The following CTIF variants were observed in gnomAD, a reference collection of about 807,000 sequenced individuals.
The protein encoded by CTIF is cap binding complex dependent translation initiation factor.
CTIF carries 21 observed loss-of-function variants against 66.0 expected under a neutral mutation model. That is an observed-to-expected ratio of 0.32 (90% confidence interval 0.23 to 0.46). The LOEUF (loss-of-function observed/expected upper bound fraction) is 0.46. Among genes scored for constraint, CTIF ranks in the 20% least tolerant of loss-of-function variants. CTIF has a pLI of 1.00. For missense variants in CTIF, 739 were observed against 812.7 expected (o/e 0.91, Z 1.10); for synonymous variants, 345 against 326.4 (o/e 1.06, Z -0.62).
At chr18:48,790,645 T>C (rs2067772498) in intron 9 of CTIF, among the ~76,000 whole-genome samples, 1 of 152,220 alleles carries the variant, frequency 6.6e-6, no homozygotes, top group South Asian at 2.1e-4. Context: ...GCCAGGTCTC[T>C]CATGGAGGAG....
intron 7 of CTIF, among the ~76,000 whole-genome samples, chr18:48,738,354 G>T (rs796396409): frequency 6.9e-4 from 104 of 150,338 alleles, no homozygotes; most frequent in African/African-American, 2.5e-3. Context: ...CCCTCCAGTG[G>T]TTCCCAATTT....
chr18:48,781,258 C>T (rs780101738), intron 9 of CTIF, among the ~76,000 whole-genome samples: 5 of 152,344 alleles, frequency 3.3e-5, no homozygotes, highest in Middle Eastern at 3.4e-3. Flanking sequence ...AGCCGTGCGC[C>T]GCAGCGGGGG....
chr18:48,783,198 C>G (rs890506475), intron 9 of CTIF, among the ~76,000 whole-genome samples: 9 of 152,152 alleles, frequency 5.9e-5, no homozygotes, highest in African/African-American at 2.2e-4. Flanking sequence ...TCTGGACCAC[C>G]TGGGAGGCCT....
intron 1 of CTIF, among the ~76,000 whole-genome samples, chr18:48,583,790 G>A (rs545847727): frequency 6.6e-6 from 1 of 152,194 alleles, no homozygotes. Flanking sequence ...ATGGACAGAA[G>A]GTATGTCATG....
At chr18:48,853,265 G>A (rs1212457122) in intron 10 of CTIF, among the ~76,000 whole-genome samples, 2 of 152,148 alleles carry the variant, frequency 1.3e-5, no homozygotes, top group Admixed American at 1.3e-4. Context: ...CGCAGAAAAG[G>A]GTGAGCTGGG....
chr18:48,850,026 C>G (rs542929534), intron 10 of CTIF, among the ~76,000 whole-genome samples: 178 of 152,342 alleles, frequency 1.2e-3, no homozygotes, highest in African/African-American at 4.1e-3. Context: ...CCCATCCTCC[C>G]TCTTCCCAGT....
At chr18:48,706,891 C>T (rs2092163265) in intron 6 of CTIF, among the ~76,000 whole-genome samples, 1 of 152,202 alleles carries the variant, frequency 6.6e-6, no homozygotes, top group South Asian at 2.1e-4. Flanking sequence ...CTCTCAGGCC[C>T]ATTTAGTTAC....
Position 48,861,190 on chromosome 18 carries a change from C to G in CTIF, c.*1631C>G, listed in dbSNP as rs1008035001. ...CCCCAGTTCTCTCCAGCTTTCCCTG[C>G]AGCTGCAACCTGCCCTCTGGTCCCA... On this transcript the variant is annotated 3_prime_UTR_variant, in exon 12 of 12. Coordinates refer to ENST00000256413, the MANE Select transcript of CTIF (RefSeq NM_014772.3). 2.0e-5 allele frequency: 3 copies of G among 152,304 alleles called. No individual in the cohort carries two copies. Among genetic ancestry groups the G allele is most frequent in the Non-Finnish European group, 4.4e-5 (3 of 68,134 alleles). 9.4% of individuals were successfully genotyped at this position (152,304 alleles called of 1,614,324 possible).
rs151321225 is a variant in CTIF at position 48,815,200 on chromosome 18, G to A, written c.1372-2021G>A. On this transcript the variant is annotated intron_variant, in intron 9 of 11. Transcript: ENST00000256413. The stretch of plus-strand genomic sequence containing the variant: ...TTTTACTGCCTATATGTATCCCATT[G>A]CATCATGTTGTATACCTTAAATATA... Among the ~76,000 whole-genome samples, 8 of 152,312 alleles carry A rather than the reference G, an allele frequency of 5.3e-5. No homozygotes were observed. The East Asian group carries it at 1.3e-3, about 26-fold the overall frequency.
intron 1 of CTIF, among the ~76,000 whole-genome samples, chr18:48,583,310 C>T (rs1026233292): frequency 5.3e-5 from 8 of 152,276 alleles, no homozygotes; most frequent in South Asian, 2.1e-4. Context: ...ATTCACAGTT[C>T]GTGAAATTAG....
intron 3 of CTIF, among the ~76,000 whole-genome samples, chr18:48,659,497 T>C (rs1288977058): frequency 6.6e-6 from 1 of 152,204 alleles, no homozygotes; most frequent in East Asian, 1.9e-4. Flanking sequence ...TTCCTGGAGC[T>C]GCACCCCCAG....
intron 7 of CTIF, among the ~76,000 whole-genome samples, chr18:48,735,632 A>C (rs1030563250): frequency 2.6e-5 from 4 of 152,188 alleles, no homozygotes; most frequent in African/African-American, 9.7e-5. Flanking sequence ...TGTATCTCCA[A>C]GTGTCCAGTG....
intron 7 of CTIF, among the ~76,000 whole-genome samples, chr18:48,724,985 G>A (rs2092373617): frequency 6.6e-6 from 1 of 152,244 alleles, no homozygotes; most frequent in Admixed American, 6.5e-5. Context: ...TTACTTGTCA[G>A]GACTGACATT....
chr18:48,799,890 T>A (rs967865587), intron 9 of CTIF, among the ~76,000 whole-genome samples: 2 of 152,194 alleles, frequency 1.3e-5, no homozygotes, highest in African/African-American at 4.8e-5. Context: ...GGAGAGGCAA[T>A]CACTGAACGC....
intron 10 of CTIF, among the ~76,000 whole-genome samples, chr18:48,824,243 G>GA (rs896686331): frequency 6.6e-6 from 1 of 152,046 alleles, no homozygotes; most frequent in African/African-American, 2.4e-5. Flanking sequence ...CAAACAAATG[G>GA]AAAAACATCC....
intron 2 of CTIF, among the ~76,000 whole-genome samples, chr18:48,635,082 G>GAC (rs76129752): frequency 4.4e-3 from 676 of 152,160 alleles, no homozygotes; most frequent in Non-Finnish European, 8.1e-3. Flanking sequence ...TTTTGTTTCA[G>GAC]TTGGATAGTG....
chr18:48,743,825 A>G (rs1307265930), intron 7 of CTIF, among the ~76,000 whole-genome samples: 1 of 152,156 alleles, frequency 6.6e-6, no homozygotes, highest in Non-Finnish European at 1.5e-5. Context: ...AGAAACTATT[A>G]TGGTGAGAGG....
chr18:48,737,747 G>A (rs1017118486), intron 7 of CTIF, among the ~76,000 whole-genome samples: 2 of 152,168 alleles, frequency 1.3e-5, no homozygotes, highest in Non-Finnish European at 2.9e-5. Flanking sequence ...CATAAAACCA[G>A]TAAAGTGGTT....
At chr18:48,566,930 A>G (rs981383559) in intron 1 of CTIF, 9 of 152,238 alleles carry the variant, frequency 5.9e-5, no homozygotes, top group African/African-American at 2.2e-4. Flanking sequence ...CAGCCTGTCT[A>G]ACAGACTGTG....
Sources: allele counts gnomAD v4.1 joint callset (sites outside exome capture counted in the v4.1 genomes callset), GRCh38; gene constraint gnomAD v4.1.1; transcripts MANE v1.5; gene names NCBI Gene and HGNC (gene_info 2026-07-23, HGNC 2026-07-21).